The following ZBTB40 variants were observed in gnomAD, a reference collection of about 807,000 sequenced individuals.
ZBTB40 encodes the protein zinc finger and BTB domain-containing protein 40.
A neutral mutation model predicts 117.5 loss-of-function variants in ZBTB40; 60 were observed. The ratio of observed to expected loss-of-function variants is 0.51; its 90% confidence interval spans 0.41 to 0.63. The LOEUF is 0.63. Among genes scored for constraint, ZBTB40 ranks in the 30% least tolerant of loss-of-function variants. The pLI, the probability that ZBTB40 is intolerant of heterozygous loss-of-function variation, is 0.00. For missense variants in ZBTB40, 1,287 were observed against 1,498.5 expected (o/e 0.86, Z 2.33); for synonymous variants, 525 against 577.1 (o/e 0.91, Z 1.29).
At chr1:22,453,238 T>G (rs1386438904) in intron 1 of ZBTB40, among the ~76,000 whole-genome samples, 3 of 152,234 alleles carry the variant, frequency 2.0e-5, no homozygotes, top group Non-Finnish European at 4.4e-5. Context: ...CTTCTGCCCC[T>G]CCTTTCTAAT....
chr1:22,437,301 G>C (rs1569736673), intron 1 of ZBTB40, among the ~76,000 whole-genome samples: 1 of 152,082 alleles, frequency 6.6e-6, no homozygotes, highest in Non-Finnish European at 1.5e-5. Context: ...AATTGCTAGA[G>C]GCTCATTGTG....
rs148142490 is a variant in ZBTB40 at position 22,469,890 on chromosome 1, C to T, written c.-70+17886C>T. Among the ~76,000 whole-genome samples, 140 of 152,200 alleles carry T rather than the reference C, an allele frequency of 9.2e-4. 3 individuals are homozygous for T. In the East Asian group the frequency reaches 0.024, roughly 26 times the overall value. ...TGGGAAATTTGTAATCATATGTTTG[C>T]ATATATTTTGGGCAGTTTTATGACT... On this transcript the variant is annotated intron_variant, in intron 1 of 17. Coordinates refer to ENST00000375647, the MANE Select transcript of ZBTB40 (RefSeq NM_014870.4).
intron 1 of ZBTB40, among the ~76,000 whole-genome samples, chr1:22,463,297 C>A (rs1182256224): frequency 6.6e-6 from 1 of 152,086 alleles, no homozygotes; most frequent in African/African-American, 2.4e-5. Flanking sequence ...GTTGCCAGGG[C>A]CCCTTAATTT....
intron 1 of ZBTB40, among the ~76,000 whole-genome samples, chr1:22,486,518 T>C (rs1638471503): frequency 6.6e-6 from 1 of 152,188 alleles, no homozygotes; most frequent in Non-Finnish European, 1.5e-5. Flanking sequence ...AGGGGATTTT[T>C]CTTCACTATT....
chr1:22,522,320 C>T, intron 15 of ZBTB40, 57 bp from the exon 16 acceptor site: 1 of 1,574,130 alleles, frequency 6.4e-7, no homozygotes, highest in Non-Finnish European at 8.7e-7. Flanking sequence ...ACTCTTCAGC[C>T]TTGGAGAGCC....
chr1:22,510,826 A>G (rs757555245), intron 9 of ZBTB40, among the ~76,000 whole-genome samples: 7 of 152,232 alleles, frequency 4.6e-5, no homozygotes, highest in African/African-American at 1.4e-4. Flanking sequence ...CGACGACCAA[A>G]TCCTATAGCT....
intron 1 of ZBTB40, among the ~76,000 whole-genome samples, chr1:22,467,244 G>A (rs1012987278): frequency 6.6e-6 from 1 of 151,914 alleles, no homozygotes; most frequent in Non-Finnish European, 1.5e-5. Context: ...TATACAGCTT[G>A]TATATAAAGT....
At chr1:22,516,769 CTAA>C (rs1639383983) in intron 12 of ZBTB40, among the ~76,000 whole-genome samples, 1 of 152,132 alleles carries the variant, frequency 6.6e-6, no homozygotes, top group Admixed American at 6.5e-5. Context: ...TCCACATTTT[CTAA>C]TAATCTTTGG....
chr1:22,512,679 G>A (rs1161021323), intron 11 of ZBTB40, among the ~76,000 whole-genome samples: 2 of 152,148 alleles, frequency 1.3e-5, no homozygotes, highest in Non-Finnish European at 2.9e-5. Context: ...GGGAAGATAA[G>A]CCCAGCATTA....
Position 22,515,432 on chromosome 1 carries a change from A to G in ZBTB40, c.2669-1868A>G, listed in dbSNP as rs963501528. ...AACAACCCAAATATACTCTTTTACC[A>G]TTCTGGAGGATAGCAATCCAAGATG... On this transcript the variant is annotated intron_variant, in intron 12 of 17. Coordinates refer to ENST00000375647, the MANE Select transcript of ZBTB40 (RefSeq NM_014870.4). Among the ~76,000 whole-genome samples the G allele has an allele frequency of 2.0e-5, 3 of 152,202 alleles. No homozygotes were observed. In the East Asian group the frequency reaches 5.8e-4, roughly 29 times the overall value.
chr1:22,481,434 T>G (rs1638310959), intron 1 of ZBTB40, among the ~76,000 whole-genome samples: 1 of 152,206 alleles, frequency 6.6e-6, no homozygotes. Context: ...ATCTATATAT[T>G]GGTAAGCCAG....
At chr1:22,521,941 G>T (rs1210618961) in intron 15 of ZBTB40, among the ~76,000 whole-genome samples, 1 of 152,184 alleles carries the variant, frequency 6.6e-6, no homozygotes, top group Non-Finnish European at 1.5e-5. Context: ...TGGTAGGCAG[G>T]CCTGAGTGGA....
chr1:22,433,442 A>AAAAAAAAAAAAAAAAC (rs1640625836), intron 1 of ZBTB40, among the ~76,000 whole-genome samples: 1 of 139,822 alleles, frequency 7.2e-6, no homozygotes, highest in Admixed American at 7.2e-5. Context: ...CAAAAAAAAA[A>AAAAAAAAAAAAAAAAC]AAAAAAAAAA....
chr1:22,487,298 G>A (rs1340220186), intron 1 of ZBTB40, among the ~76,000 whole-genome samples: 4 of 152,186 alleles, frequency 2.6e-5, no homozygotes, highest in Non-Finnish European at 4.4e-5. Context: ...AAATGGTGGA[G>A]TGGAAAGAGA....
rs1358795353 is a variant in ZBTB40 at position 22,528,636 on chromosome 1, C to T, written c.*2240C>T. 4 of 152,186 alleles carry T rather than the reference C, an allele frequency of 2.6e-5. No homozygotes were observed. Among genetic ancestry groups the T allele is most frequent in the African/African-American group, 9.7e-5 (4 of 41,430 alleles). 9.4% of individuals were successfully genotyped at this position (152,186 alleles called of 1,614,324 possible). On this transcript the variant is annotated 3_prime_UTR_variant, in exon 18 of 18. Coordinates refer to ENST00000375647, the MANE Select transcript of ZBTB40 (RefSeq NM_014870.4). ...AACCTCTGCGGGCTCACGCAATCCT[C>T]CTGCCACAGCTTCCCAAGTAGCTGG...
chr1:22,512,199 C>G (rs1171239997), intron 11 of ZBTB40, 65 bp downstream of exon 11: 4 of 1,575,246 alleles, frequency 2.5e-6, no homozygotes, highest in Non-Finnish European at 3.5e-6. Flanking sequence ...GGATTTCAGG[C>G]CTTTCCCTTA....
upstream of ZBTB40, among the ~76,000 whole-genome samples, chr1:22,447,938 G>A (rs1304990523): frequency 2.6e-5 from 4 of 152,168 alleles, no homozygotes; most frequent in African/African-American, 9.7e-5. Flanking sequence ...ACACCTACTC[G>A]AACAAATAAA....
chr1:22,503,030 AACT>A (rs1638984201), intron 5 of ZBTB40, among the ~76,000 whole-genome samples: 2 of 152,044 alleles, frequency 1.3e-5, no homozygotes, highest in African/African-American at 4.8e-5. Flanking sequence ...ATGGTTTTCT[AACT>A]TGACTTTTTA....
intron 1 of ZBTB40, among the ~76,000 whole-genome samples, chr1:22,469,556 G>GT (rs1641349285): frequency 6.6e-6 from 1 of 151,644 alleles, no homozygotes; most frequent in South Asian, 2.1e-4. Context: ...TTGTTTTTTT[G>GT]TTTTTTGTTT....
Sources: gnomAD v4.1 joint callset for allele counts (sites outside exome capture counted in the v4.1 genomes callset) on GRCh38, gnomAD v4.1.1 for gene constraint, MANE v1.5 for transcripts, NCBI Gene and HGNC (gene_info 2026-07-23, HGNC 2026-07-21) for gene names.